Variants in EIF4E3 observed in about 807,000 individuals in gnomAD.
EIF4E3 encodes eukaryotic translation initiation factor 4E type 3.
In EIF4E3, 26 loss-of-function variants were observed where a neutral mutation model predicts 31.7. The ratio of observed to expected loss-of-function variants is 0.82; its 90% CI spans 0.60 to 1.14. The LOEUF (loss-of-function observed/expected upper bound fraction) is 1.14. Ranked by LOEUF, EIF4E3 falls within the 50% of genes most tolerant of loss-of-function variation. The pLI, the probability that EIF4E3 is intolerant of heterozygous loss-of-function variation, is 0.00. For synonymous variants in EIF4E3, 128 were observed against 107.7 expected (o/e 1.19, Z -1.17); for missense variants, 304 against 270.9 (o/e 1.12, Z -0.86).
At chr3:71,715,867 T>C (rs749346768) in intron 1 of EIF4E3, among the ~76,000 whole-genome samples, 1 of 152,198 alleles carries the variant, frequency 6.6e-6, no homozygotes, top group Non-Finnish European at 1.5e-5. Flanking sequence ...ACTTCACAGA[T>C]TAGGAAACTG....
intron 1 of EIF4E3, among the ~76,000 whole-genome samples, chr3:71,714,523 A>G (rs1476572278): frequency 6.6e-6 from 1 of 152,160 alleles, no homozygotes; most frequent in Non-Finnish European, 1.5e-5. Context: ...GGTAGTAAAT[A>G]CTTGGCGGGC....
the EIF4E3 span, among the ~76,000 whole-genome samples, chr3:71,668,675 C>A: frequency 3.3e-5 from 5 of 152,202 alleles, no homozygotes; most frequent in East Asian, 9.6e-4. Context: ...TAGAGAAATG[C>A]AAATCAAAAC....
chr3:71,699,696 C>T lies in EIF4E3; in HGVS notation c.262G>A (p.Val88Ile). 2.5e-6 allele frequency: 4 copies of T among 1,612,566 alleles called. No homozygotes were observed. Among genetic ancestry groups the T allele is most frequent in the Non-Finnish European group, 3.4e-6 (4 of 1,179,364 alleles). ...TVQTVQIFWS[V>I]YNNIPPVTSL... The stretch of plus-strand genomic sequence containing the variant: ...GTCACAGGAGGGATATTATTGTATA[C>T]ACTCCAAAATATCTTTAAAAGAAAA... The change falls in exon 3 of 7, where the codon GTA (valine) becomes ATA (isoleucine). Residue 88 changes from valine (V) to isoleucine (I), a missense_variant. Coordinates refer to ENST00000425534, the MANE Select transcript of EIF4E3 (RefSeq NM_001134651.2).
chr3:71,677,009 G>A lies in EIF4E3; in HGVS notation c.*7673C>T, dbSNP rs1346614222. ...TTCCTGAGTTAAAGAGGAAATTGGGGAGTAAGAGCTTGTCCACATCTTTAA... is the reference window on the plus strand; with the variant it reads ...TTCCTGAGTTAAAGAGGAAATTGGGAAGTAAGAGCTTGTCCACATCTTTAA... On this transcript the variant is annotated 3_prime_UTR_variant, in exon 7 of 7. Transcript: ENST00000425534. 1 of 152,200 alleles carries A rather than the reference G, an allele frequency of 6.6e-6. No individual in the cohort carries two copies. The highest frequency in any genetic ancestry group is 1.5e-5 in the Non-Finnish European group (1 of 68,038). 9.4% of individuals were successfully genotyped at this position (152,200 alleles called of 1,614,324 possible).
chr3:71,713,048 G>A (rs767540323), intron 1 of EIF4E3, among the ~76,000 whole-genome samples: 1 of 152,084 alleles, frequency 6.6e-6, no homozygotes, highest in Non-Finnish European at 1.5e-5. Flanking sequence ...AAGGACTCTA[G>A]AATAAAATAA....
intron 4 of EIF4E3, among the ~76,000 whole-genome samples, chr3:71,696,028 C>T (rs956827332): frequency 2.0e-5 from 3 of 152,166 alleles, no homozygotes; most frequent in Non-Finnish European, 4.4e-5. Context: ...GCCAAGCCTC[C>T]CTATTCTCTG....
At chr3:71,716,335 C>T (rs1238114662) in intron 1 of EIF4E3, among the ~76,000 whole-genome samples, 1 of 152,198 alleles carries the variant, frequency 6.6e-6, no homozygotes, top group Non-Finnish European at 1.5e-5. Context: ...CGGGTTCACG[C>T]CATTCTCCTG....
intron 1 of EIF4E3, among the ~76,000 whole-genome samples, chr3:71,736,485 C>G (rs1189338988): frequency 2.0e-5 from 3 of 152,134 alleles, no homozygotes; most frequent in Non-Finnish European, 4.4e-5. Flanking sequence ...AAGCAATGAG[C>G]TATTACACCA....
chr3:71,721,060 G>A (rs1224719815), intron 1 of EIF4E3, among the ~76,000 whole-genome samples: 5 of 152,236 alleles, frequency 3.3e-5, no homozygotes, highest in Non-Finnish European at 7.3e-5. Context: ...CTCAGTCACT[G>A]AAGAATCAGT....
chr3:71,736,963 T>C (rs993521522), intron 1 of EIF4E3, among the ~76,000 whole-genome samples: 2 of 152,184 alleles, frequency 1.3e-5, no homozygotes, highest in South Asian at 4.1e-4. Context: ...AACCTGAAAC[T>C]GCTCTAAAAA....
At chr3:71,690,801 G>A (rs1282805198) in intron 5 of EIF4E3, among the ~76,000 whole-genome samples, 1 of 152,182 alleles carries the variant, frequency 6.6e-6, no homozygotes, top group African/African-American at 2.4e-5. Context: ...TATACTGTGG[G>A]CTAGAGAGCC....
chr3:71,708,803 G>A (rs1051884717), intron 2 of EIF4E3, among the ~76,000 whole-genome samples: 18 of 152,158 alleles, frequency 1.2e-4, no homozygotes, highest in African/African-American at 3.9e-4. Context: ...CAGAAGAGAC[G>A]TGCAGGGAGG....
chr3:71,711,391 C>T (rs1476694498), intron 1 of EIF4E3, among the ~76,000 whole-genome samples: 2 of 152,206 alleles, frequency 1.3e-5, no homozygotes, highest in Non-Finnish European at 2.9e-5. Flanking sequence ...AAGAAGCTTG[C>T]TGAGAGGAGA....
chr3:71,698,647 A>T (rs752427576), intron 3 of EIF4E3, among the ~76,000 whole-genome samples: 27 of 152,228 alleles, frequency 1.8e-4, no homozygotes, highest in Non-Finnish European at 3.4e-4. Context: ...CCAGAAATTG[A>T]AAGGGGACTC....
intron 3 of EIF4E3, among the ~76,000 whole-genome samples, chr3:71,699,213 T>C (rs2049180440): frequency 6.6e-6 from 1 of 151,808 alleles, no homozygotes; most frequent in South Asian, 2.1e-4. Flanking sequence ...GGTGACAGAG[T>C]GAGACCTGGT....
intron 6 of EIF4E3, among the ~76,000 whole-genome samples, chr3:71,685,372 T>A (rs1268141644): frequency 1.3e-5 from 2 of 152,204 alleles, no homozygotes; most frequent in African/African-American, 2.4e-5. Flanking sequence ...ATATATATAT[T>A]TTTTTGAGAC....
chr3:71,698,725 T>A (rs1197007423), intron 3 of EIF4E3, among the ~76,000 whole-genome samples: 1 of 152,192 alleles, frequency 6.6e-6, no homozygotes, highest in African/African-American at 2.4e-5. Flanking sequence ...ATGGTAAACT[T>A]ACAGGGTGTA....
At chr3:71,689,011 T>G (rs2049028734) in intron 6 of EIF4E3, among the ~76,000 whole-genome samples, 1 of 152,208 alleles carries the variant, frequency 6.6e-6, no homozygotes, top group African/African-American at 2.4e-5. Flanking sequence ...TTATCCTTTT[T>G]TGGCAAAGAG....
chr3:71,716,178 C>G (rs546413604), intron 1 of EIF4E3, among the ~76,000 whole-genome samples: 1 of 152,164 alleles, frequency 6.6e-6, no homozygotes, highest in African/African-American at 2.4e-5. Context: ...AAAAATACCC[C>G]CAAATGTAAT....
Sources: gnomAD v4.1 joint callset for allele counts (sites outside exome capture counted in the v4.1 genomes callset) on GRCh38, gnomAD v4.1.1 for gene constraint, MANE v1.5 for transcripts, NCBI Gene and HGNC (gene_info 2026-07-23, HGNC 2026-07-21) for gene names.